The following KCNN2 variants were observed in gnomAD, a reference collection of about 807,000 sequenced individuals.
KCNN2 encodes potassium calcium-activated channel subfamily N member 2, also known as small conductance calcium-activated potassium channel protein 2.
A neutral mutation model predicts 55.5 loss-of-function variants in KCNN2; 24 were observed. That is an observed-to-expected ratio of 0.43 (90% CI 0.31 to 0.61). The LOEUF is 0.61. Among genes scored for constraint, KCNN2 ranks in the 20% least tolerant of loss-of-function variants. The probability of loss-of-function intolerance (pLI) is 0.08; values close to 1 mark genes in which losing one functional copy is unlikely to be tolerated. For synonymous variants in KCNN2, 431 were observed against 336.1 expected (o/e 1.28, Z -3.09); for missense variants, 754 against 853.6 (o/e 0.88, Z 1.45).
At chr5:114,311,696 C>T (rs1241533965) in intron 2 of KCNN2, among the ~76,000 whole-genome samples, 1 of 152,074 alleles carries the variant, frequency 6.6e-6, no homozygotes, top group Non-Finnish European at 1.5e-5. Flanking sequence ...ACTAGATGCT[C>T]AGTTTATTAC....
intron 2 of KCNN2, among the ~76,000 whole-genome samples, chr5:114,399,688 T>A (rs1250427583): frequency 1.3e-5 from 2 of 152,172 alleles, no homozygotes; most frequent in Non-Finnish European, 2.9e-5. Context: ...AGCTCTTACT[T>A]ATATTAATAT....
chr5:114,058,899 CTG>C (rs1464403338), intron 1 of KCNN2, among the ~76,000 whole-genome samples: 2 of 152,192 alleles, frequency 1.3e-5, no homozygotes, highest in East Asian at 3.9e-4. Flanking sequence ...CAGGACGTGA[CTG>C]TGTTTCTGCA....
At chr5:114,085,939 T>C (rs1309234730) in intron 1 of KCNN2, among the ~76,000 whole-genome samples, 2 of 152,130 alleles carry the variant, frequency 1.3e-5, no homozygotes, top group African/African-American at 2.4e-5. Flanking sequence ...AGGATTCTTA[T>C]GAATTTTTGA....
intron 1 of KCNN2, among the ~76,000 whole-genome samples, chr5:114,082,221 G>A (rs1750841612): frequency 6.6e-6 from 1 of 151,892 alleles, no homozygotes; most frequent in Non-Finnish European, 1.5e-5. Context: ...GCTACTCAGA[G>A]GCTGAAATTG....
intron 3 of KCNN2, chr5:114,433,706 GCA>G: frequency 6.6e-6 from 1 of 152,406 alleles, no homozygotes; most frequent in African/African-American, 2.4e-5. Flanking sequence ...AACTCCAGAT[GCA>G]CCGCCTTAAG....
chr5:114,223,280 A>G (rs913236562), intron 2 of KCNN2, among the ~76,000 whole-genome samples: 24 of 152,186 alleles, frequency 1.6e-4, no homozygotes, highest in Non-Finnish European at 2.9e-5. Context: ...CCAAAGACAT[A>G]CAGTGAGGAT....
intron 3 of KCNN2, among the ~76,000 whole-genome samples, chr5:114,447,391 G>C (rs960159490): frequency 1.3e-5 from 2 of 152,168 alleles, no homozygotes; most frequent in Non-Finnish European, 2.9e-5. Flanking sequence ...GCCTAATTTT[G>C]TTATTTTAAT....
At chr5:114,199,460 T>C (rs1326094232) in intron 1 of KCNN2, among the ~76,000 whole-genome samples, 1 of 152,126 alleles carries the variant, frequency 6.6e-6, no homozygotes, top group Admixed American at 6.5e-5. Flanking sequence ...TGTCATATTA[T>C]TGATTGTTTT....
chr5:114,302,967 A>C (rs1262917920), intron 2 of KCNN2, among the ~76,000 whole-genome samples: 1 of 152,208 alleles, frequency 6.6e-6, no homozygotes, highest in African/African-American at 2.4e-5. Context: ...GGCTCCATAG[A>C]CAGGAATATG....
intron 1 of KCNN2, among the ~76,000 whole-genome samples, chr5:114,120,016 G>A (rs1751794299): frequency 6.6e-6 from 1 of 152,106 alleles, no homozygotes; most frequent in Admixed American, 6.5e-5. Flanking sequence ...TATTTACTCA[G>A]TAAAGGGCAT....
chr5:114,248,193 A>G (rs887873812), intron 2 of KCNN2, among the ~76,000 whole-genome samples: 1 of 152,164 alleles, frequency 6.6e-6, no homozygotes, highest in Non-Finnish European at 1.5e-5. Flanking sequence ...GGAAGTGTAT[A>G]TTAGGGGGTT....
chr5:114,071,948 TG>T (rs1750577830), intron 1 of KCNN2, among the ~76,000 whole-genome samples: 1 of 152,112 alleles, frequency 6.6e-6, no homozygotes. Flanking sequence ...CTTGGACTGA[TG>T]TTATTGTTGT....
intron 4 of KCNN2, among the ~76,000 whole-genome samples, chr5:114,467,220 G>C (rs527665698): frequency 4.6e-5 from 7 of 152,236 alleles, no homozygotes; most frequent in South Asian, 4.2e-4. Context: ...ATTAGCTAGA[G>C]CTCATAAAAA....
At chr5:114,247,202 C>CAAAAAAAAAAAAAAAAA (rs370172975) in intron 2 of KCNN2, among the ~76,000 whole-genome samples, 126 of 68,012 alleles carry the variant, frequency 1.9e-3, no homozygotes, top group East Asian at 3.2e-3. Context: ...CATATGTCTC[C>CAAAAAAAAAAAAAAAAA]AAAAAAAAAA....
At chr5:114,164,958 A>G (rs1190994226) in intron 1 of KCNN2, among the ~76,000 whole-genome samples, 1 of 152,192 alleles carries the variant, frequency 6.6e-6, no homozygotes, top group Non-Finnish European at 1.5e-5. Flanking sequence ...TAATGATCCT[A>G]TAAGGAAGGC....
At chr5:114,374,754 A>G (rs1162724096) in intron 2 of KCNN2, among the ~76,000 whole-genome samples, 1 of 152,208 alleles carries the variant, frequency 6.6e-6, no homozygotes, top group Non-Finnish European at 1.5e-5. Flanking sequence ...GGGATTATAC[A>G]TTGTAAACTT....
At chr5:114,142,667 A>G (rs13154384) in intron 1 of KCNN2, among the ~76,000 whole-genome samples, 20,511 of 152,184 alleles carry the variant, frequency 0.13, 1,592 homozygotes, top group Middle Eastern at 0.23. Context: ...AGGGATGTGA[A>G]GGACCTCTTC....
chr5:114,244,406 G>A lies in KCNN2; in HGVS notation c.-185+22841G>A, dbSNP rs150567615. 8.7e-3 allele frequency among the ~76,000 whole-genome samples: 1,323 copies of A among 152,176 alleles called. 23 individuals are homozygous for A. Among genetic ancestry groups the A allele is most frequent in the African/African-American group, 0.029 (1,212 of 41,518 alleles). On this transcript the variant is annotated intron_variant, in intron 2 of 10. Coordinates refer to the KCNN2 transcript ENST00000512097. ...AGGTCAGGAGTTCAAGACCAACCTG[G>A]CCAATATAGTGAAACCTTGTCTCTG...
Position 114,157,575 on chromosome 5 carries a change from T to C in KCNN2, c.-270-63905T>C, listed in dbSNP as rs375308851. 1.3e-4 allele frequency among the ~76,000 whole-genome samples: 20 copies of C among 152,242 alleles called. No homozygotes were observed. In the East Asian group the frequency reaches 1.4e-3, roughly 10 times the overall value. On this transcript the variant is annotated intron_variant, in intron 1 of 10. Transcript: ENST00000512097. Reference sequence around the variant, plus strand: ...TTCGAGTTCTAGATCCCTGAGGAATTGCCACACTGACTTCCACAATGGTTG... The same window carrying C: ...TTCGAGTTCTAGATCCCTGAGGAATCGCCACACTGACTTCCACAATGGTTG...
Sources: gnomAD v4.1 joint callset for allele counts (sites outside exome capture counted in the v4.1 genomes callset) on GRCh38, gnomAD v4.1.1 for gene constraint, MANE v1.5 for transcripts, NCBI Gene and HGNC (gene_info 2026-07-23, HGNC 2026-07-21) for gene names.